Variants in NVL observed in about 807,000 individuals in gnomAD.
NVL encodes nuclear valosin-containing protein-like.
NVL carries 84 observed loss-of-function variants against 110.2 expected under a neutral mutation model. The observed-to-expected ratio is 0.76, with a 90% CI of 0.64 to 0.91. The LOEUF is 0.91. NVL is among the 40% of genes least tolerant of loss of function. The pLI, the probability that NVL is intolerant of heterozygous loss-of-function variation, is 0.00. For synonymous variants in NVL, 354 were observed against 361.1 expected, an observed-to-expected ratio of 0.98 and a Z score of 0.22; for missense variants, 882 against 1,035.9, an observed-to-expected ratio of 0.85 and a Z score of 2.04.
intron 18 of NVL, among the ~76,000 whole-genome samples, chr1:224,266,989 C>G (rs1664558211): frequency 6.6e-6 from 1 of 152,192 alleles, no homozygotes; most frequent in Non-Finnish European, 1.5e-5. Context: ...CAGAATATAA[C>G]TGGTCTTTGC....
chr1:224,242,477 C>T (rs1173833948), intron 19 of NVL, among the ~76,000 whole-genome samples: 2 of 139,742 alleles, frequency 1.4e-5, no homozygotes, highest in African/African-American at 5.1e-5. Context: ...TTTGGTCATA[C>T]AAATCTATTC....
chr1:224,244,093 C>T (rs1477674952), intron 19 of NVL, among the ~76,000 whole-genome samples: 1 of 151,396 alleles, frequency 6.6e-6, no homozygotes, highest in Non-Finnish European at 1.5e-5. Context: ...GGGGGCCGGG[C>T]GTGGTGGCTC....
chr1:224,240,826 T>C (rs1273692341), intron 19 of NVL, among the ~76,000 whole-genome samples: 1 of 135,644 alleles, frequency 7.4e-6, no homozygotes, highest in Non-Finnish European at 1.5e-5. Context: ...AGTCTCGCCC[T>C]GTGGCCCAGG....
chr1:224,250,406 C>T lies in NVL; in HGVS notation c.2183-88G>A, dbSNP rs1662339867. The T allele has an allele frequency of 1.6e-6, 2 of 1,246,746 alleles. 1 individual carries two copies. Among genetic ancestry groups the T allele is most frequent in the Non-Finnish European group, 2.1e-6 (2 of 937,510 alleles). The allele number at this position is 1,246,746 out of a possible 1,614,324, so 77.2% of individuals were successfully genotyped here. Reference sequence around the variant, plus strand: ...TTGAGAGAGGGTCTTGTTCCATCTCCCAGGCTGGAGTGCAGTGGCATGATC... The same window carrying T: ...TTGAGAGAGGGTCTTGTTCCATCTCTCAGGCTGGAGTGCAGTGGCATGATC... On this transcript the variant is annotated intron_variant, in intron 18 of 22. Transcript: ENST00000281701.
intron 16 of NVL, 94 bp downstream of exon 16, chr1:224,281,029 C>A (rs1187951808): frequency 1.7e-6 from 2 of 1,152,800 alleles, no homozygotes; most frequent in Admixed American, 1.8e-5. Flanking sequence ...CAAAATACCA[C>A]AATTGCTGAA....
chr1:224,250,551 TTTAA>T (rs1215181974), intron 18 of NVL, among the ~76,000 whole-genome samples: 7 of 152,152 alleles, frequency 4.6e-5, no homozygotes, highest in South Asian at 4.2e-4. Flanking sequence ...TTTTACTTAC[TTTAA>T]TTAATTAATT....
chr1:224,242,487 C>CT (rs11385074), intron 19 of NVL, among the ~76,000 whole-genome samples: 112,654 of 128,290 alleles, frequency 0.88, 51,551 homozygotes, highest in Non-Finnish European at 0.98. Context: ...CAAATCTATT[C>CT]TTTTTTTTTT....
At chr1:224,327,176 C>T (rs937048112) in intron 1 of NVL, among the ~76,000 whole-genome samples, 15 of 151,988 alleles carry the variant, frequency 9.9e-5, no homozygotes, top group African/African-American at 3.6e-4. Flanking sequence ...GGCGTGGTGG[C>T]TCACACCCGT....
chr1:224,229,891 G>T (rs1410567342), intron 22 of NVL, among the ~76,000 whole-genome samples: 3 of 152,072 alleles, frequency 2.0e-5, no homozygotes, highest in Non-Finnish European at 4.4e-5. Flanking sequence ...GAGTACAATG[G>T]TGTGATCATG....
At chr1:224,228,924 C>CAAAAAA (rs368485856) in intron 22 of NVL, among the ~76,000 whole-genome samples, 10 of 81,646 alleles carry the variant, frequency 1.2e-4, no homozygotes, top group South Asian at 6.2e-4. Flanking sequence ...GACTCCGTCT[C>CAAAAAA]AAAAAAAAAA....
At chr1:224,317,338 G>T (rs1021843479) in intron 4 of NVL, among the ~76,000 whole-genome samples, 1 of 152,114 alleles carries the variant, frequency 6.6e-6, no homozygotes, top group Non-Finnish European at 1.5e-5. Context: ...TAATTTCAAT[G>T]CCGTATGATA....
In NVL at chr1:224,233,243, G is replaced by T; in HGVS notation, c.2413C>A (p.Leu805Met). The T allele has an allele frequency of 6.2e-7, 1 of 1,612,856 alleles. No individual in the cohort carries two copies. The highest frequency in any genetic ancestry group is 8.5e-7 in the Non-Finnish European group (1 of 1,179,604). Residue 805 changes from leucine to methionine, a missense_variant, in exon 21 of 23, where the codon CTG becomes ATG. By Grantham distance (15) the Leu-to-Met change is conservative. Around this residue, in one of 4 missense-constraint regions of NVL, gnomAD observed 126 missense variants for 140.7 expected, o/e 0.90. Coordinates refer to ENST00000281701, the MANE Select transcript of NVL (RefSeq NM_002533.4). Reference protein sequence around the residue: ...ALVREASICALRQEMARQKSG... With the variant: ...ALVREASICAMRQEMARQKSG... ...TTCTGTCTTGCCATTTCCTGTCTCA[G>T]GGCACAGATAGAAGCTTCTCGTACC... is the stretch of plus-strand genomic sequence containing the variant.
chr1:224,320,775 G>A (rs771871524), intron 2 of NVL, among the ~76,000 whole-genome samples: 9 of 152,126 alleles, frequency 5.9e-5, no homozygotes, highest in Non-Finnish European at 1.0e-4. Context: ...CCCAGCATCC[G>A]AGTAGGTACG....
chr1:224,237,812 G>A (rs1054463198), intron 19 of NVL, among the ~76,000 whole-genome samples: 6 of 144,144 alleles, frequency 4.2e-5, no homozygotes, highest in African/African-American at 1.3e-4. Context: ...TCCTAGGAGC[G>A]ATGGGGTGGC....
At chr1:224,326,547 A>G in intron 1 of NVL, 83 bp from the exon 2 acceptor site, 1 of 824,018 alleles carries the variant, frequency 1.2e-6, no homozygotes, top group Non-Finnish European at 2.0e-6. Context: ...CTATCTGAAC[A>G]CATTATACTT....
chr1:224,235,315 G>GCA (rs1660340996), intron 20 of NVL, among the ~76,000 whole-genome samples: 2 of 152,020 alleles, frequency 1.3e-5, no homozygotes, highest in African/African-American at 2.4e-5. Flanking sequence ...TTACAGGTGT[G>GCA]CACTACCATG....
intron 18 of NVL, among the ~76,000 whole-genome samples, chr1:224,252,396 GTCCC>G (rs1412542489): frequency 6.6e-6 from 1 of 151,932 alleles, no homozygotes; most frequent in Non-Finnish European, 1.5e-5. Context: ...ATTTCCAACA[GTCCC>G]TTAACCATTA....
At chr1:224,272,819 G>C (rs1215219925) in intron 17 of NVL, among the ~76,000 whole-genome samples, 3 of 151,518 alleles carry the variant, frequency 2.0e-5, no homozygotes, top group African/African-American at 4.9e-5. Context: ...CGGATCGCGA[G>C]GTCAGGAGAT....
At chr1:224,245,083 T>A (rs1438387371) in intron 19 of NVL, among the ~76,000 whole-genome samples, 1 of 152,198 alleles carries the variant, frequency 6.6e-6, no homozygotes, top group Non-Finnish European at 1.5e-5. Context: ...GGACTAAAGA[T>A]CTTTATTCTA....
Sources: gnomAD v4.1 joint callset for allele counts (sites outside exome capture counted in the v4.1 genomes callset) on GRCh38, gnomAD v4.1.1 for gene constraint, gnomAD v4.1.1 regional missense constraint, MANE v1.5 for transcripts, NCBI Gene and HGNC (gene_info 2026-07-23, HGNC 2026-07-21) for gene names.